Variants in PRELID2 observed in about 807,000 individuals in gnomAD.
PRELID2 encodes PRELI domain-containing protein 2.
A neutral mutation model predicts 28.4 loss-of-function variants in PRELID2; 25 were observed. The observed-to-expected ratio is 0.88, with a 90% CI of 0.64 to 1.23. The LOEUF is 1.23. Among genes scored for constraint, PRELID2 ranks in the 50% most tolerant of loss-of-function variants. The pLI, the probability that PRELID2 is intolerant of heterozygous loss-of-function variation, is 0.00. For missense variants in PRELID2, 201 were observed against 214.4 expected, an observed-to-expected ratio of 0.94 and a Z score of 0.39; for synonymous variants, 76 against 71.6, an observed-to-expected ratio of 1.06 and a Z score of -0.31.
At chr5:145,268,400 C>A in the PRELID2 span, among the ~76,000 whole-genome samples, 1 of 152,094 alleles carries the variant, frequency 6.6e-6, no homozygotes, top group Non-Finnish European at 1.5e-5. Context: ...AGAGACCGTC[C>A]TTTCCTCACT....
At chr5:145,765,331 A>G (rs1055282401) in intron 5 of PRELID2, among the ~76,000 whole-genome samples, 3 of 152,214 alleles carry the variant, frequency 2.0e-5, no homozygotes, top group Non-Finnish European at 4.4e-5. Context: ...AGTAGTTAAT[A>G]TTCATTGAAC....
At chr5:145,421,495 T>C in the PRELID2 span, among the ~76,000 whole-genome samples, 1 of 149,462 alleles carries the variant, frequency 6.7e-6, no homozygotes, top group Admixed American at 6.7e-5. Context: ...TATCCATTTC[T>C]TCTAGATTTT....
At chr5:145,385,981 G>A in the PRELID2 span, among the ~76,000 whole-genome samples, 14 of 152,022 alleles carry the variant, frequency 9.2e-5, no homozygotes, top group African/African-American at 3.4e-4. Flanking sequence ...GAGGGACAAC[G>A]TGGGAGGTGA....
chr5:145,285,866 A>G, the PRELID2 span, among the ~76,000 whole-genome samples: 16 of 152,210 alleles, frequency 1.1e-4, no homozygotes, highest in Non-Finnish European at 8.8e-5. Context: ...GACAGTGTTA[A>G]GTAAATGCCA....
the PRELID2 span, among the ~76,000 whole-genome samples, chr5:145,418,979 G>A: frequency 6.7e-6 from 1 of 149,432 alleles, no homozygotes; most frequent in Non-Finnish European, 1.5e-5. Flanking sequence ...AATATGTGGT[G>A]TTTGGTTTTT....
the PRELID2 span, among the ~76,000 whole-genome samples, chr5:145,329,640 G>C: frequency 6.6e-6 from 1 of 152,202 alleles, no homozygotes; most frequent in Non-Finnish European, 1.5e-5. Context: ...TGTATCCTGA[G>C]ACTATGCTGA....
At chr5:145,566,810 A>G (rs1275042420) in intron 1 of PRELID2, among the ~76,000 whole-genome samples, 1 of 147,904 alleles carries the variant, frequency 6.8e-6, no homozygotes, top group Non-Finnish European at 1.5e-5. Flanking sequence ...ACTGCACTCC[A>G]GCCTGGGTGA....
the PRELID2 span, among the ~76,000 whole-genome samples, chr5:145,317,325 G>A: frequency 1.3e-5 from 2 of 152,210 alleles, no homozygotes; most frequent in African/African-American, 4.8e-5. Context: ...GTGCTCCTGA[G>A]CAGTGCATTT....
intron 1 of PRELID2, chr5:145,703,891 C>G (rs1755475119): frequency 6.6e-6 from 1 of 152,192 alleles, no homozygotes; most frequent in African/African-American, 2.4e-5. Context: ...ACTCATTTTA[C>G]TCATGCAACT....
intron 1 of PRELID2, among the ~76,000 whole-genome samples, chr5:145,496,930 A>G (rs1181742912): frequency 6.6e-6 from 1 of 152,054 alleles, no homozygotes; most frequent in Non-Finnish European, 1.5e-5. Flanking sequence ...TGGCATGACC[A>G]TGGCTCACTG....
chr5:145,830,624 G>A (rs764756279), intron 1 of PRELID2, among the ~76,000 whole-genome samples: 3 of 152,240 alleles, frequency 2.0e-5, no homozygotes, highest in Non-Finnish European at 4.4e-5. Context: ...ACACTGTCAA[G>A]TGCATTGACA....
At chr5:145,797,138 T>C (rs1752814265) in intron 4 of PRELID2, among the ~76,000 whole-genome samples, 1 of 152,164 alleles carries the variant, frequency 6.6e-6, no homozygotes, top group Non-Finnish European at 1.5e-5. Flanking sequence ...TTAATTATCT[T>C]CATGTCATAA....
the PRELID2 span, among the ~76,000 whole-genome samples, chr5:145,344,005 G>A: frequency 6.6e-6 from 1 of 151,884 alleles, no homozygotes; most frequent in East Asian, 1.9e-4. Flanking sequence ...TAGCAAGACT[G>A]AATCAGTAAT....
chr5:145,336,311 C>A, the PRELID2 span, among the ~76,000 whole-genome samples: 23 of 151,418 alleles, frequency 1.5e-4, no homozygotes, highest in Non-Finnish European at 3.1e-4. Context: ...GCTTTTGTTG[C>A]CATTGCTTTT....
At chr5:145,676,822 A>G (rs1314414125) in intron 1 of PRELID2, among the ~76,000 whole-genome samples, 2 of 152,208 alleles carry the variant, frequency 1.3e-5, no homozygotes, top group Non-Finnish European at 2.9e-5. Context: ...AATACTTTTA[A>G]TAACACCACA....
At chr5:145,495,974 T>A (rs969353278) in intron 1 of PRELID2, among the ~76,000 whole-genome samples, 1 of 152,168 alleles carries the variant, frequency 6.6e-6, no homozygotes, top group Non-Finnish European at 1.5e-5. Context: ...GTGCCCTTTA[T>A]ATAATGCTAA....
chr5:145,313,098 C>T, the PRELID2 span, among the ~76,000 whole-genome samples: 1 of 152,186 alleles, frequency 6.6e-6, no homozygotes, highest in Admixed American at 6.5e-5. Flanking sequence ...GCATTTTTAA[C>T]AAGCTCTCAA....
At chr5:145,647,164 T>C (rs956874423) in intron 1 of PRELID2, among the ~76,000 whole-genome samples, 1 of 152,190 alleles carries the variant, frequency 6.6e-6, no homozygotes, top group Admixed American at 6.5e-5. Context: ...ATGGGGGTTT[T>C]ATCTGTAAGT....
At chr5:145,675,638 T>C (rs1754799297) in intron 1 of PRELID2, among the ~76,000 whole-genome samples, 1 of 151,710 alleles carries the variant, frequency 6.6e-6, no homozygotes, top group Non-Finnish European at 1.5e-5. Context: ...AGAGAACTGG[T>C]TTAGTGGTCT....
Sources: allele counts gnomAD v4.1 joint callset (sites outside exome capture counted in the v4.1 genomes callset), GRCh38; gene constraint gnomAD v4.1.1; transcripts MANE v1.5; gene names NCBI Gene and HGNC (gene_info 2026-07-23, HGNC 2026-07-21).